XIRP2: variants seen among roughly 807,000 people sequenced by gnomAD.
XIRP2 encodes the protein xin actin-binding repeat-containing protein 2.
Under a neutral mutation model 277.0 loss-of-function variants are expected in XIRP2, and 236 were observed. The observed-to-expected ratio is 0.85, with a 90% CI of 0.77 to 0.95. XIRP2 has a LOEUF of 0.95. Ranked by LOEUF, XIRP2 falls within the 40% of genes least tolerant of loss-of-function variation. The pLI is 0.00. For synonymous variants in XIRP2, 1,490 were observed against 1,416.5 expected (o/e 1.05, Z -1.17); for missense variants, 4,640 against 4,157.5 (o/e 1.12, Z -3.19).
At chr2:167,054,157 G>A (rs1335399470) in intron 2 of XIRP2, among the ~76,000 whole-genome samples, 1 of 152,122 alleles carries the variant, frequency 6.6e-6, no homozygotes, top group Non-Finnish European at 1.5e-5. Context: ...AAATGCACAA[G>A]CATATTTTTT....
intron 2 of XIRP2, among the ~76,000 whole-genome samples, chr2:167,024,688 C>A (rs1031937423): frequency 2.0e-5 from 3 of 152,000 alleles, no homozygotes; most frequent in African/African-American, 7.3e-5. Flanking sequence ...TGTCAAAGGC[C>A]TTTTCTGCAT....
intron 3 of XIRP2, among the ~76,000 whole-genome samples, chr2:167,142,003 A>G (rs577961107): frequency 6.6e-6 from 1 of 152,302 alleles, no homozygotes; most frequent in East Asian, 1.9e-4. Context: ...TTTTGCAGTC[A>G]CTTGAAGATA....
intron 2 of XIRP2, among the ~76,000 whole-genome samples, chr2:167,072,916 C>T (rs1689470703): frequency 6.6e-6 from 1 of 152,114 alleles, no homozygotes; most frequent in Non-Finnish European, 1.5e-5. Flanking sequence ...TAACTTTAAA[C>T]ACAAATTCTT....
At chr2:167,138,212 T>C (rs1383954318) in intron 3 of XIRP2, among the ~76,000 whole-genome samples, 1 of 152,210 alleles carries the variant, frequency 6.6e-6, no homozygotes, top group Non-Finnish European at 1.5e-5. Context: ...TTTGTAGTAA[T>C]ATGAAAAACA....
intron 2 of XIRP2, among the ~76,000 whole-genome samples, chr2:166,911,322 A>G (rs939019333): frequency 5.3e-5 from 8 of 152,108 alleles, no homozygotes; most frequent in Admixed American, 1.3e-4. Context: ...ATATATTTAG[A>G]GTAGTTAGCT....
At chr2:167,128,011 C>T (rs1212642896) in intron 2 of XIRP2, among the ~76,000 whole-genome samples, 1 of 152,174 alleles carries the variant, frequency 6.6e-6, no homozygotes, top group African/African-American at 2.4e-5. Context: ...CGGAAGGAAG[C>T]CCACGATCAG....
rs1688782950 is a variant in XIRP2 at position 167,046,164 on chromosome 2, C to A, written c.409-89745C>A. Among the ~76,000 whole-genome samples, 4 of 152,024 alleles carry A rather than the reference C, an allele frequency of 2.6e-5. No homozygotes were observed. In the South Asian group the frequency reaches 8.3e-4, roughly 32 times the overall value. On this transcript the variant is annotated intron_variant, in intron 2 of 10. Transcript: ENST00000409195. ...TTCTTGATGTAGCTGTCAGCTTGGA[C>A]ATTATTGGTGTACAGAAATACTACT...
chr2:167,031,018 C>CTTTT (rs35008535), intron 2 of XIRP2, among the ~76,000 whole-genome samples: 1 of 144,230 alleles, frequency 6.9e-6, no homozygotes, highest in African/African-American at 2.5e-5. Flanking sequence ...GCAAGCTTTG[C>CTTTT]TTTTTTTTTT....
chr2:166,936,058 T>G (rs1380331941), intron 2 of XIRP2, among the ~76,000 whole-genome samples: 2 of 152,168 alleles, frequency 1.3e-5, no homozygotes, highest in Non-Finnish European at 2.9e-5. Flanking sequence ...TTTCTCCACA[T>G]CCTCTCCAGC....
chr2:167,094,016 G>T lies in XIRP2; in HGVS notation c.409-41893G>T, dbSNP rs1223305702. Among the ~76,000 whole-genome samples, 4 of 151,686 alleles carry T rather than the reference G, an allele frequency of 2.6e-5. No individual in the cohort carries two copies. The East Asian group carries it at 7.7e-4, about 29-fold the overall frequency. ...ATTTTAATGATCACCATTCTAACTG[G>T]CATGAGATGGTATCTCATTGTGATT... On this transcript the variant is annotated intron_variant, in intron 2 of 10. Transcript: ENST00000409195.
intron 3 of XIRP2, among the ~76,000 whole-genome samples, chr2:167,183,081 T>C (rs532407873): frequency 1.8e-4 from 28 of 152,320 alleles, no homozygotes; most frequent in African/African-American, 6.3e-4. Context: ...CTACAAATAA[T>C]GGATTCCTAA....
In XIRP2 at chr2:167,248,438, C is replaced by T; in HGVS notation, c.7046C>T (p.Pro2349Leu). The T allele has an allele frequency of 6.2e-7, 1 of 1,613,778 alleles. No homozygotes were observed. Among genetic ancestry groups the T allele is most frequent in the Non-Finnish European group, 8.5e-7 (1 of 1,179,850 alleles). The change falls in exon 9 of 11, where the codon CCT (proline) becomes CTT (leucine). Residue 2349 changes from proline to leucine, a missense_variant. By Grantham distance (98) the Pro-to-Leu change is moderately conservative. Transcript: ENST00000409195. Reference protein sequence around the residue: ...ESFPGLPLPPPPVDEKSERES... With the variant: ...ESFPGLPLPPLPVDEKSERES... The stretch of plus-strand genomic sequence containing the variant: ...TTTCCAGGCCTCCCTCTTCCTCCAC[C>T]TCCAGTAGATGAGAAATCTGAAAGA...
intron 2 of XIRP2, among the ~76,000 whole-genome samples, chr2:166,912,400 C>T (rs368338437): frequency 2.6e-5 from 4 of 152,184 alleles, no homozygotes; most frequent in South Asian, 2.1e-4. Flanking sequence ...TTGATCGAAT[C>T]GGCTATTGAA....
At chr2:166,924,728 A>C (rs1444854228) in intron 2 of XIRP2, among the ~76,000 whole-genome samples, 1 of 152,020 alleles carries the variant, frequency 6.6e-6, no homozygotes. Flanking sequence ...GTCTCTCAGC[A>C]CTTAGTTCTA....
chr2:166,907,949 C>A (rs547056792), intron 2 of XIRP2, among the ~76,000 whole-genome samples: 42 of 152,072 alleles, frequency 2.8e-4, no homozygotes, highest in Admixed American at 1.4e-3. Flanking sequence ...TGAACTCATC[C>A]TTTTTTATGG....
intron 2 of XIRP2, among the ~76,000 whole-genome samples, chr2:167,030,238 T>C (rs958928468): frequency 6.6e-6 from 1 of 152,184 alleles, no homozygotes; most frequent in African/African-American, 2.4e-5. Context: ...ATCTTGGTTA[T>C]TTCTTGTCTT....
rs114649783 is a variant in XIRP2 at position 166,980,837 on chromosome 2, C to T, written c.408+76947C>T. Among the ~76,000 whole-genome samples the T allele has an allele frequency of 6.6e-3, 1,009 of 151,850 alleles. 11 individuals are homozygous for T. The highest frequency in any genetic ancestry group is 0.023 in the African/African-American group (947 of 41,416). ...TTTTTTTTTCTTTTTCCTATTCTGC[C>T]TTCTTTAGGATTAATTGAAAATTTT... On this transcript the variant is annotated intron_variant, in intron 2 of 10. Coordinates refer to ENST00000409195, the MANE Select transcript of XIRP2 (RefSeq NM_152381.6).
chr2:167,102,960 A>G (rs1302798920), intron 2 of XIRP2, among the ~76,000 whole-genome samples: 1 of 152,180 alleles, frequency 6.6e-6, no homozygotes, highest in Admixed American at 6.6e-5. Flanking sequence ...TTGTAAATAA[A>G]AAGAATAGAA....
chr2:167,203,161 C>T (rs1383589473), intron 3 of XIRP2, among the ~76,000 whole-genome samples: 1 of 152,120 alleles, frequency 6.6e-6, no homozygotes, highest in Non-Finnish European at 1.5e-5. Context: ...CATGTAAGGT[C>T]GCATATTCAT....
Sources: gnomAD v4.1 joint callset for allele counts (sites outside exome capture counted in the v4.1 genomes callset) on GRCh38, gnomAD v4.1.1 for gene constraint, MANE v1.5 for transcripts, NCBI Gene and HGNC (gene_info 2026-07-23, HGNC 2026-07-21) for gene names.